The following ARHGAP42 variants were observed in gnomAD, a reference collection of about 807,000 sequenced individuals.
ARHGAP42 encodes rho GTPase-activating protein 42.
ARHGAP42 carries 63 observed loss-of-function variants against 125.0 expected under a neutral mutation model. The ratio of observed to expected loss-of-function variants is 0.50; its 90% confidence interval spans 0.41 to 0.62. The LOEUF is 0.62. ARHGAP42 is among the 20% of genes least tolerant of loss of function. ARHGAP42 has a pLI of 0.00. For synonymous variants in ARHGAP42, 339 were observed against 351.0 expected (o/e 0.97, Z 0.38); for missense variants, 766 against 1,024.2 (o/e 0.75, Z 3.44).
intron 12 of ARHGAP42, among the ~76,000 whole-genome samples, chr11:100,951,581 G>A (rs1164123354): frequency 6.6e-6 from 1 of 152,042 alleles, no homozygotes; most frequent in Non-Finnish European, 1.5e-5. Context: ...TGTTGAGTAG[G>A]GCTTCTGAAT....
intron 4 of ARHGAP42, among the ~76,000 whole-genome samples, chr11:100,898,428 C>A (rs1258282423): frequency 2.6e-5 from 4 of 152,116 alleles, no homozygotes; most frequent in Non-Finnish European, 5.9e-5. Flanking sequence ...ACCAGCTCCC[C>A]TTTGTACCTC....
intron 1 of ARHGAP42, among the ~76,000 whole-genome samples, chr11:100,734,524 G>T (rs192168428): frequency 6.6e-6 from 1 of 152,052 alleles, no homozygotes; most frequent in African/African-American, 2.4e-5. Flanking sequence ...CAGGTGATCC[G>T]CCCTACTTGG....
intron 3 of ARHGAP42, among the ~76,000 whole-genome samples, chr11:100,801,844 A>G (rs1863860168): frequency 6.6e-6 from 1 of 152,222 alleles, no homozygotes. Context: ...CAGCATTTTA[A>G]TGGCACAAAT....
intron 3 of ARHGAP42, among the ~76,000 whole-genome samples, chr11:100,797,531 G>T (rs1054361757): frequency 1.3e-5 from 2 of 151,906 alleles, no homozygotes; most frequent in Non-Finnish European, 2.9e-5. Context: ...CATGGAGCCT[G>T]GATGAGAGCA....
At chr11:100,831,583 G>A (rs185367139) in intron 3 of ARHGAP42, among the ~76,000 whole-genome samples, 3 of 152,242 alleles carry the variant, frequency 2.0e-5, no homozygotes, top group Non-Finnish European at 4.4e-5. Context: ...TCACATTCCT[G>A]CCATCCAAGC....
At chr11:100,891,257 T>C (rs1285240810) in intron 4 of ARHGAP42, among the ~76,000 whole-genome samples, 2 of 152,148 alleles carry the variant, frequency 1.3e-5, no homozygotes, top group African/African-American at 4.8e-5. Flanking sequence ...CGTAGCAAGC[T>C]CCTAATGTCT....
At chr11:100,875,764 G>T (rs1164569889) in intron 4 of ARHGAP42, among the ~76,000 whole-genome samples, 1 of 152,048 alleles carries the variant, frequency 6.6e-6, no homozygotes, top group African/African-American at 2.4e-5. Context: ...AGGGTGGCGG[G>T]GGGTGACTGG....
chr11:100,948,961 A>T (rs549848230), intron 11 of ARHGAP42, among the ~76,000 whole-genome samples: 1 of 152,164 alleles, frequency 6.6e-6, no homozygotes, highest in African/African-American at 2.4e-5. Flanking sequence ...ACTTAATAAA[A>T]CTGCCTGTGG....
At chr11:100,864,013 G>GT (rs1865509861) in intron 4 of ARHGAP42, among the ~76,000 whole-genome samples, 1 of 151,770 alleles carries the variant, frequency 6.6e-6, no homozygotes, top group Non-Finnish European at 1.5e-5. Flanking sequence ...AATCACAATT[G>GT]TTTTTTTGGA....
chr11:100,699,592 G>A (rs1490757694), intron 1 of ARHGAP42, among the ~76,000 whole-genome samples: 6 of 127,344 alleles, frequency 4.7e-5, no homozygotes, highest in African/African-American at 1.5e-4. Context: ...GCGTGATCTC[G>A]GCTCACTGCA....
chr11:100,917,861 G>A (rs1447293603), intron 5 of ARHGAP42, among the ~76,000 whole-genome samples: 1 of 152,174 alleles, frequency 6.6e-6, no homozygotes, highest in East Asian at 1.9e-4. Context: ...CATGAGCTCC[G>A]CCCAGCCTAG....
chr11:100,767,752 A>AT (rs1862864589), intron 1 of ARHGAP42, among the ~76,000 whole-genome samples: 1 of 152,142 alleles, frequency 6.6e-6, no homozygotes, highest in African/African-American at 2.4e-5. Context: ...TAGGAATTAC[A>AT]TTTAGGGCTT....
At chr11:100,947,031 T>TA (rs146480166) in intron 10 of ARHGAP42, among the ~76,000 whole-genome samples, 20,191 of 151,784 alleles carry the variant, frequency 0.13, 1,554 homozygotes, top group African/African-American at 0.21. Flanking sequence ...TCTGTGTTCT[T>TA]ATGATTTTTA....
chr11:100,929,612 G>A (rs1442797172), intron 6 of ARHGAP42, among the ~76,000 whole-genome samples: 1 of 152,162 alleles, frequency 6.6e-6, no homozygotes, highest in African/African-American at 2.4e-5. Context: ...ATCCTAGAGA[G>A]CTGAACTTAG....
At chr11:100,913,046 A>G (rs1270115573) in intron 4 of ARHGAP42, among the ~76,000 whole-genome samples, 1 of 152,162 alleles carries the variant, frequency 6.6e-6, no homozygotes, top group Non-Finnish European at 1.5e-5. Flanking sequence ...TGAATCAACA[A>G]AAAGCCTAAA....
intron 3 of ARHGAP42, among the ~76,000 whole-genome samples, chr11:100,803,449 C>T (rs920664188): frequency 1.3e-5 from 2 of 152,086 alleles, no homozygotes; most frequent in African/African-American, 4.8e-5. Context: ...TGAGGTTCAT[C>T]GAGTCCACAG....
At chr11:100,953,632 C>G (rs999577301) in intron 12 of ARHGAP42, among the ~76,000 whole-genome samples, 1 of 152,052 alleles carries the variant, frequency 6.6e-6, no homozygotes, top group Non-Finnish European at 1.5e-5. Flanking sequence ...AGTCTTCCTA[C>G]CTTGTATTAA....
At chr11:100,963,706 C>T (rs1555033749) in intron 16 of ARHGAP42, among the ~76,000 whole-genome samples, 1 of 152,132 alleles carries the variant, frequency 6.6e-6, no homozygotes, top group Admixed American at 6.5e-5. Context: ...CATACAGGAC[C>T]AGAAAAAATA....
intron 1 of ARHGAP42, among the ~76,000 whole-genome samples, chr11:100,728,240 A>G (rs1458761339): frequency 6.6e-6 from 1 of 152,174 alleles, no homozygotes; most frequent in Non-Finnish European, 1.5e-5. Context: ...TTAATCAAGC[A>G]GTTGGCTATC....
Sources: allele counts gnomAD v4.1 joint callset (sites outside exome capture counted in the v4.1 genomes callset), GRCh38; gene constraint gnomAD v4.1.1; transcripts MANE v1.5; gene names NCBI Gene and HGNC (gene_info 2026-07-23, HGNC 2026-07-21).